Variants in CPNE8 observed in about 807,000 individuals in gnomAD.
CPNE8 encodes the protein copine 8.
CPNE8 carries 45 observed loss-of-function variants against 81.5 expected under a neutral mutation model. The observed-to-expected ratio is 0.55, with a 90% CI of 0.44 to 0.71. The LOEUF (loss-of-function observed/expected upper bound fraction) is 0.71. Among genes scored for constraint, CPNE8 ranks in the 30% least tolerant of loss-of-function variants. The pLI is 0.00. For missense variants in CPNE8, 594 were observed against 672.1 expected (o/e 0.88, Z 1.28); for synonymous variants, 252 against 226.3 (o/e 1.11, Z -1.02).
At chr12:38,871,670 G>T (rs1200397406) in intron 3 of CPNE8, among the ~76,000 whole-genome samples, 1 of 152,172 alleles carries the variant, frequency 6.6e-6, no homozygotes, top group East Asian at 1.9e-4. Flanking sequence ...TCATAGCACT[G>T]GATGACATTA....
intron 10 of CPNE8, among the ~76,000 whole-genome samples, chr12:38,745,373 C>A (rs1382521006): frequency 6.6e-6 from 1 of 152,190 alleles, no homozygotes; most frequent in Non-Finnish European, 1.5e-5. Context: ...AACATCCATG[C>A]TTTGCCTGGT....
chr12:38,906,375 A>T (rs1268358644), upstream of CPNE8: 1 of 985,264 alleles, frequency 1.0e-6, no homozygotes, highest in Admixed American at 6.2e-5. Context: ...ACTACTTGGG[A>T]TTTAAGGAAG....
intron 10 of CPNE8, among the ~76,000 whole-genome samples, chr12:38,752,844 T>A (rs1941380614): frequency 6.6e-6 from 1 of 152,210 alleles, no homozygotes; most frequent in South Asian, 2.1e-4. Context: ...AATAAAAATT[T>A]AAAATATAAA....
chr12:38,698,644 G>C (rs1939856444), intron 14 of CPNE8, among the ~76,000 whole-genome samples: 1 of 152,184 alleles, frequency 6.6e-6, no homozygotes, highest in Non-Finnish European at 1.5e-5. Flanking sequence ...AGCACCATTT[G>C]CTAAGACCAG....
At chr12:38,825,841 G>A (rs118164159) in intron 6 of CPNE8, among the ~76,000 whole-genome samples, 2,519 of 152,268 alleles carry the variant, frequency 0.017, 30 homozygotes, top group Middle Eastern at 0.027. Context: ...ACGTCACTAG[G>A]TGCCTTAATT....
At chr12:38,665,415 G>A (rs183192691) in intron 19 of CPNE8, among the ~76,000 whole-genome samples, 3 of 152,258 alleles carry the variant, frequency 2.0e-5, no homozygotes, top group Admixed American at 1.3e-4. Context: ...TGGTATACTT[G>A]TTACTCTACA....
intron 19 of CPNE8, among the ~76,000 whole-genome samples, chr12:38,665,875 GTTA>G (rs762903111): frequency 1.3e-5 from 2 of 152,002 alleles, no homozygotes; most frequent in African/African-American, 4.8e-5. Flanking sequence ...AAGCAGGATG[GTTA>G]TTATTCTAAA....
At chr12:38,848,764 A>C (rs1943596819) in intron 3 of CPNE8, 102 bp from the exon 4 acceptor site, 1 of 1,347,002 alleles carries the variant, frequency 7.4e-7, no homozygotes. Context: ...CAAGCAATAA[A>C]TATCCAAATA....
At chr12:38,817,248 A>C (rs958741795) in intron 6 of CPNE8, among the ~76,000 whole-genome samples, 1 of 152,224 alleles carries the variant, frequency 6.6e-6, no homozygotes, top group Non-Finnish European at 1.5e-5. Context: ...TCAATTCAAA[A>C]CAATGATTTT....
chr12:38,873,983 G>A (rs775641955), intron 2 of CPNE8, among the ~76,000 whole-genome samples: 3 of 149,954 alleles, frequency 2.0e-5, no homozygotes, highest in Non-Finnish European at 4.4e-5. Context: ...AAGAGACGGG[G>A]TTGGGTGGGT....
At chr12:38,727,732 A>C (rs1311546971) in intron 11 of CPNE8, among the ~76,000 whole-genome samples, 1 of 151,040 alleles carries the variant, frequency 6.6e-6, no homozygotes, top group South Asian at 2.1e-4. Flanking sequence ...TCAAAAACCA[A>C]AAAGGAAGAT....
At chr12:38,815,897 G>T (rs974846138) in intron 6 of CPNE8, among the ~76,000 whole-genome samples, 1 of 152,144 alleles carries the variant, frequency 6.6e-6, no homozygotes, top group African/African-American at 2.4e-5. Context: ...AACCTCTGGA[G>T]ATTCAGATTT....
chr12:38,878,883 C>T (rs1314039726), intron 1 of CPNE8, among the ~76,000 whole-genome samples: 1 of 152,004 alleles, frequency 6.6e-6, no homozygotes. Flanking sequence ...ATTTTATTTA[C>T]AGAAATAACT....
chr12:38,707,867 T>C (rs1940150997), intron 13 of CPNE8, among the ~76,000 whole-genome samples: 1 of 152,164 alleles, frequency 6.6e-6, no homozygotes, highest in South Asian at 2.1e-4. Flanking sequence ...AAAACCACAG[T>C]TCAACAATGA....
chr12:38,860,316 A>G (rs1244704566), intron 3 of CPNE8, among the ~76,000 whole-genome samples: 1 of 150,658 alleles, frequency 6.6e-6, no homozygotes, highest in East Asian at 2.0e-4. Flanking sequence ...CAACATCACT[A>G]ATCATTGGAG....
chr12:38,738,132 T>C (rs1940997505), intron 10 of CPNE8, among the ~76,000 whole-genome samples: 1 of 152,138 alleles, frequency 6.6e-6, no homozygotes, highest in South Asian at 2.1e-4. Context: ...CTGTTCATTA[T>C]CTTCCTGACA....
At chr12:38,739,673 T>C (rs1214887433) in intron 10 of CPNE8, among the ~76,000 whole-genome samples, 1 of 152,192 alleles carries the variant, frequency 6.6e-6, no homozygotes, top group Non-Finnish European at 1.5e-5. Context: ...CTTTTCCTAT[T>C]CACTTTTTAA....
At chr12:38,867,614 T>G (rs1943935737) in intron 3 of CPNE8, among the ~76,000 whole-genome samples, 1 of 152,176 alleles carries the variant, frequency 6.6e-6, no homozygotes, top group Admixed American at 6.5e-5. Context: ...TAATTTTAAA[T>G]GTTTAAAAGT....
chr12:38,713,948 C>T (rs1940324317), intron 13 of CPNE8, among the ~76,000 whole-genome samples: 1 of 152,088 alleles, frequency 6.6e-6, no homozygotes, highest in Non-Finnish European at 1.5e-5. Flanking sequence ...AGCAGGGACT[C>T]GGTGTGCAAC....
Sources: gnomAD v4.1 joint callset for allele counts (sites outside exome capture counted in the v4.1 genomes callset) on GRCh38, gnomAD v4.1.1 for gene constraint, MANE v1.5 for transcripts, NCBI Gene and HGNC (gene_info 2026-07-23, HGNC 2026-07-21) for gene names.